GLRA2: variants seen among roughly 807,000 people sequenced by gnomAD.
The protein encoded by GLRA2 is glycine receptor alpha 2, also known as glycine receptor subunit alpha-2.
In GLRA2, 11 loss-of-function variants were observed where a neutral mutation model predicts 31.6. The observed-to-expected ratio is 0.35, with a 90% CI of 0.22 to 0.58. GLRA2 has a LOEUF of 0.58. Ranked by LOEUF, GLRA2 falls within the 20% of genes least tolerant of loss-of-function variation. The probability of loss-of-function intolerance (pLI) is 0.84; values close to 1 mark genes in which losing one functional copy is unlikely to be tolerated. For missense variants in GLRA2, 212 were observed against 351.8 expected (o/e 0.60, Z 3.18); for synonymous variants, 132 against 134.0 (o/e 0.99, Z 0.10).
At chrX:14,707,785 T>C (rs1163437146) in intron 8 of GLRA2, among the ~76,000 whole-genome samples, 3 of 106,044 alleles carry the variant, frequency 2.8e-5, no homozygotes, top group African/African-American at 7.3e-5. Context: ...CACGCGCGCG[T>C]GTTGCATGCA....
the GLRA2 span, among the ~76,000 whole-genome samples, chrX:14,459,133 C>A: frequency 8.9e-6 from 1 of 111,733 alleles, no homozygotes; most frequent in Non-Finnish European, 1.9e-5. Flanking sequence ...ATAGGAAATC[C>A]TTTCCCCATT....
intron 7 of GLRA2, among the ~76,000 whole-genome samples, chrX:14,676,172 C>G (rs2147162775): frequency 8.9e-6 from 1 of 112,493 alleles, no homozygotes; most frequent in South Asian, 3.7e-4. Flanking sequence ...GTACAGAAAA[C>G]TATTCTGCTT....
At chrX:14,524,305 G>A (rs3027312), upstream of GLRA2, among the ~76,000 whole-genome samples, 67 of 111,921 alleles carry the variant, frequency 6.0e-4, no homozygotes, top group East Asian at 0.014. Flanking sequence ...TAATGGCCAT[G>A]CATCCTCATG....
chrX:14,649,208 G>GT (rs201434832), intron 7 of GLRA2, among the ~76,000 whole-genome samples: 179 of 107,545 alleles, frequency 1.7e-3, no homozygotes, highest in African/African-American at 5.7e-3. Context: ...GTGAGACTCC[G>GT]TTTTTTAAAA....
chrX:14,697,205 A>G (rs1018070820), intron 8 of GLRA2, among the ~76,000 whole-genome samples: 2 of 112,294 alleles, frequency 1.8e-5, no homozygotes, highest in African/African-American at 6.5e-5. Context: ...CAACTGTGTG[A>G]GTAATGCAAT....
chrX:14,691,354 C>T (rs112991335), intron 8 of GLRA2, among the ~76,000 whole-genome samples: 26,167 of 104,626 alleles, frequency 0.25, 2,584 homozygotes, highest in Non-Finnish European at 0.3. Context: ...CATCACTGAT[C>T]TGATTGACTT....
At chrX:14,720,404 A>G (rs919318683) in intron 8 of GLRA2, among the ~76,000 whole-genome samples, 5 of 112,116 alleles carry the variant, frequency 4.5e-5, no homozygotes, top group African/African-American at 1.6e-4. Flanking sequence ...CAGGTTAAGC[A>G]TTTTGGATAC....
the GLRA2 span, among the ~76,000 whole-genome samples, chrX:14,476,835 T>C: frequency 8.9e-6 from 1 of 112,224 alleles, no homozygotes; most frequent in African/African-American, 3.2e-5. Flanking sequence ...AATTGCTGTT[T>C]TTGCCATTGA....
intron 4 of GLRA2, among the ~76,000 whole-genome samples, chrX:14,581,766 GC>G (rs2090018905): frequency 1.1e-5 from 1 of 90,847 alleles, no homozygotes; most frequent in Non-Finnish European, 2.2e-5. Flanking sequence ...ATTCAAGCAT[GC>G]ACACACACAC....
chrX:14,558,167 A>G (rs1251957381), intron 2 of GLRA2, among the ~76,000 whole-genome samples: 2 of 112,124 alleles, frequency 1.8e-5, no homozygotes, highest in Non-Finnish European at 3.8e-5. Flanking sequence ...GGGTTTGACA[A>G]TGTATTTCCT....
rs376173840 is a variant in GLRA2, at chrX:14,570,750, G to T, written c.203-3583G>T. Reference sequence around the variant, plus strand: ...TGGATAATAATCAATAATTTATTATGTCTCCAATGTAGCATAGTTATAATT... The same window carrying T: ...TGGATAATAATCAATAATTTATTATTTCTCCAATGTAGCATAGTTATAATT... On this transcript the variant is annotated intron_variant, in intron 2 of 8. Coordinates refer to ENST00000218075, the MANE Select transcript of GLRA2 (RefSeq NM_002063.4). 2.6e-4 allele frequency among the ~76,000 whole-genome samples: 29 copies of T among 111,842 alleles called. No individual in the cohort carries two copies. The South Asian group carries it at 9.4e-3, about 36-fold the overall frequency.
At chrX:14,627,318 AAGAT>A (rs1389865497) in intron 7 of GLRA2, among the ~76,000 whole-genome samples, 2 of 111,244 alleles carry the variant, frequency 1.8e-5, no homozygotes, top group African/African-American at 6.5e-5. Context: ...TCAACCCTAT[AAGAT>A]AGATATTATT....
intron 8 of GLRA2, among the ~76,000 whole-genome samples, chrX:14,704,350 G>A (rs1601862705): frequency 8.9e-6 from 1 of 112,192 alleles, no homozygotes; most frequent in African/African-American, 3.2e-5. Context: ...CTTAATTGGT[G>A]TAAGATTCTT....
the GLRA2 span, among the ~76,000 whole-genome samples, chrX:14,514,825 T>A: frequency 9.0e-6 from 1 of 111,294 alleles, no homozygotes; most frequent in Non-Finnish European, 1.9e-5. Context: ...TCCAGTGTGG[T>A]GTCATAGTAT....
At chrX:14,510,008 A>C in the GLRA2 span, among the ~76,000 whole-genome samples, 1 of 111,889 alleles carries the variant, frequency 8.9e-6, no homozygotes, top group African/African-American at 3.2e-5. Context: ...ATTATCTCAT[A>C]GGCAGTGGTA....
At chrX:14,630,229 G>C (rs1272699670) in intron 7 of GLRA2, among the ~76,000 whole-genome samples, 1 of 111,401 alleles carries the variant, frequency 9.0e-6, no homozygotes, top group Non-Finnish European at 1.9e-5. Context: ...ATATTAGATG[G>C]ACCTTTTTTC....
At chrX:14,672,372 A>G (rs1170399047) in intron 7 of GLRA2, among the ~76,000 whole-genome samples, 1 of 112,677 alleles carries the variant, frequency 8.9e-6, no homozygotes, top group Non-Finnish European at 1.9e-5. Flanking sequence ...TCTTTTAAGC[A>G]TTCTGTACAC....
intron 8 of GLRA2, among the ~76,000 whole-genome samples, chrX:14,707,481 T>G (rs1433258745): frequency 9.0e-6 from 1 of 111,063 alleles, no homozygotes; most frequent in South Asian, 3.8e-4. Flanking sequence ...CATGAGAATA[T>G]TGCATGATAC....
intron 7 of GLRA2, among the ~76,000 whole-genome samples, chrX:14,634,231 G>A (rs765441359): frequency 5.3e-5 from 6 of 112,160 alleles, no homozygotes; most frequent in African/African-American, 1.6e-4. Flanking sequence ...TTACAGGCGT[G>A]AGCCACCACA....
Sources: allele counts gnomAD v4.1 joint callset (sites outside exome capture counted in the v4.1 genomes callset), GRCh38; gene constraint gnomAD v4.1.1; transcripts MANE v1.5; gene names NCBI Gene and HGNC (gene_info 2026-07-23, HGNC 2026-07-21).